ADK: variants seen among roughly 807,000 people sequenced by gnomAD.
ADK encodes adenosine kinase.
In ADK, 24 loss-of-function variants were observed where a neutral mutation model predicts 44.7. That is an observed-to-expected ratio of 0.54 (90% CI 0.39 to 0.76). The LOEUF is 0.76. Among genes scored for constraint, ADK ranks in the 30% least tolerant of loss-of-function variants. ADK has a pLI of 0.00. For missense variants in ADK, 321 were observed against 425.1 expected (o/e 0.76, Z 2.15); for synonymous variants, 128 against 142.6 (o/e 0.90, Z 0.73).
chr10:74,593,445 G>T (rs1851785805), intron 8 of ADK, among the ~76,000 whole-genome samples: 1 of 150,912 alleles, frequency 6.6e-6, no homozygotes, highest in African/African-American at 2.4e-5. Context: ...GCTATGGAAT[G>T]ACCCTAAAAA....
At chr10:74,391,183 C>T (rs1337314110) in intron 4 of ADK, among the ~76,000 whole-genome samples, 1 of 152,124 alleles carries the variant, frequency 6.6e-6, no homozygotes, top group Non-Finnish European at 1.5e-5. Context: ...TAAGAGCATA[C>T]TGAAAAATTA....
At chr10:74,279,675 A>G (rs1184810649) in intron 3 of ADK, among the ~76,000 whole-genome samples, 1 of 151,828 alleles carries the variant, frequency 6.6e-6, no homozygotes, top group Non-Finnish European at 1.5e-5. Context: ...TTTGATCACT[A>G]AATAGTGATG....
intron 3 of ADK, among the ~76,000 whole-genome samples, chr10:74,283,312 A>G (rs1356662719): frequency 1.3e-5 from 2 of 151,788 alleles, no homozygotes; most frequent in African/African-American, 2.4e-5. Context: ...TAAAAAAAGT[A>G]ATCTATGTTA....
intron 7 of ADK, among the ~76,000 whole-genome samples, chr10:74,551,016 T>C (rs1850018246): frequency 6.6e-6 from 1 of 152,134 alleles, no homozygotes; most frequent in South Asian, 2.1e-4. Flanking sequence ...CTCTGAACTA[T>C]TTTTTAAGTA....
intron 3 of ADK, among the ~76,000 whole-genome samples, chr10:74,279,942 C>T (rs1846857744): frequency 6.6e-6 from 1 of 151,912 alleles, no homozygotes; most frequent in African/African-American, 2.4e-5. Context: ...GGAGGAGGAT[C>T]ACTTGAGCCC....
chr10:74,600,230 T>G (rs1336884073), intron 8 of ADK, 149 bp from the exon 9 acceptor site: 2 of 567,550 alleles, frequency 3.5e-6, no homozygotes, highest in East Asian at 3.2e-5. Flanking sequence ...TCTATTTACT[T>G]TTGTATATGG....
intron 4 of ADK, among the ~76,000 whole-genome samples, chr10:74,350,364 C>T (rs755332740): frequency 8.6e-5 from 13 of 152,028 alleles, no homozygotes; most frequent in Non-Finnish European, 1.6e-4. Context: ...TTATTTGAAA[C>T]CAATGAGAAC....
intron 7 of ADK, among the ~76,000 whole-genome samples, chr10:74,549,146 A>T (rs868860014): frequency 2.6e-5 from 4 of 152,230 alleles, no homozygotes; most frequent in Admixed American, 6.5e-5. Flanking sequence ...ATAAAATTGA[A>T]TTTTTAATCA....
chr10:74,354,023 G>C (rs1842054415), intron 4 of ADK, among the ~76,000 whole-genome samples: 1 of 152,150 alleles, frequency 6.6e-6, no homozygotes, highest in Non-Finnish European at 1.5e-5. Context: ...CCTTTGTCCA[G>C]AATAAGCATC....
At position 74,698,401 on chromosome 10, in the gene ADK, A is replaced by G. The variant is rs187838387; in HGVS notation, c.965-9920A>G. On this transcript the variant is annotated intron_variant, in intron 10 of 10. Coordinates refer to ENST00000539909, the MANE Select transcript of ADK (RefSeq NM_006721.4). The stretch of plus-strand genomic sequence containing the variant: ...GTGCTCTTCATTTTCAAGATGATGT[A>G]CTGATAAGGACCACAAGCCAGTGGC... Among the ~76,000 whole-genome samples, 130 of 152,360 alleles carry G rather than the reference A, an allele frequency of 8.5e-4. No homozygotes were observed. The South Asian group carries it at 0.011, about 13-fold the overall frequency.
intron 2 of ADK, among the ~76,000 whole-genome samples, chr10:74,208,642 A>T (rs755156392): frequency 4.3e-4 from 65 of 152,214 alleles, no homozygotes; most frequent in Admixed American, 2.2e-3. Flanking sequence ...TTACCTTATG[A>T]TATAAACGAA....
At chr10:74,582,715 A>G (rs1851411562) in intron 7 of ADK, among the ~76,000 whole-genome samples, 1 of 152,120 alleles carries the variant, frequency 6.6e-6, no homozygotes, top group Admixed American at 6.5e-5. Context: ...TTATAAACCT[A>G]TTGGATAGAG....
At chr10:74,426,343 A>G (rs1203160436) in intron 6 of ADK, among the ~76,000 whole-genome samples, 7 of 152,254 alleles carry the variant, frequency 4.6e-5, no homozygotes, top group African/African-American at 1.7e-4. Flanking sequence ...TAATTGCAAA[A>G]TATTGGAAAC....
At chr10:74,303,817 A>C (rs1176983024) in intron 3 of ADK, among the ~76,000 whole-genome samples, 1 of 151,696 alleles carries the variant, frequency 6.6e-6, no homozygotes, top group Non-Finnish European at 1.5e-5. Flanking sequence ...AAAATATAAA[A>C]AATTAGCTGG....
chr10:74,182,976 C>A (rs4745741), intron 1 of ADK, among the ~76,000 whole-genome samples: 6 of 151,954 alleles, frequency 3.9e-5, no homozygotes, highest in Admixed American at 2.6e-4. Flanking sequence ...AGTGTGGTGG[C>A]ATGAACACAG....
chr10:74,359,035 A>T (rs1842235838), intron 4 of ADK, among the ~76,000 whole-genome samples: 1 of 152,182 alleles, frequency 6.6e-6, no homozygotes, highest in African/African-American at 2.4e-5. Flanking sequence ...CCTGGCTTCA[A>T]GCAATCCTCC....
intron 6 of ADK, among the ~76,000 whole-genome samples, chr10:74,405,269 G>T (rs1328145480): frequency 6.6e-6 from 1 of 151,878 alleles, no homozygotes; most frequent in African/African-American, 2.4e-5. Flanking sequence ...AACTATATCA[G>T]TTCCTGTTAG....
intron 2 of ADK, among the ~76,000 whole-genome samples, chr10:74,219,054 A>T (rs199795773): frequency 6.6e-6 from 1 of 151,546 alleles, no homozygotes; most frequent in African/African-American, 2.4e-5. Flanking sequence ...AAATGCTCCA[A>T]TTAAAAGACA....
At chr10:74,606,540 T>G (rs1468506552) in intron 9 of ADK, among the ~76,000 whole-genome samples, 1 of 152,188 alleles carries the variant, frequency 6.6e-6, no homozygotes, top group African/African-American at 2.4e-5. Context: ...TGCAGTTGTG[T>G]GGTTCTGAGT....
Sources: allele counts gnomAD v4.1 joint callset (sites outside exome capture counted in the v4.1 genomes callset), GRCh38; gene constraint gnomAD v4.1.1; transcripts MANE v1.5; gene names NCBI Gene and HGNC (gene_info 2026-07-23, HGNC 2026-07-21).